Variants in BIN3 observed in about 807,000 individuals in gnomAD.
BIN3 encodes the protein bridging integrator 3.
A neutral mutation model predicts 38.2 loss-of-function variants in BIN3; 41 were observed. The ratio of observed to expected loss-of-function variants is 1.07; its 90% CI spans 0.84 to 1.39. The LOEUF (loss-of-function observed/expected upper bound fraction) is 1.39, where lower values mean the gene tolerates loss of function less well. BIN3 is among the 40% of genes most tolerant of loss of function. BIN3 has a pLI of 0.00. For missense variants in BIN3, 361 were observed against 324.3 expected (o/e 1.11, Z -0.87); for synonymous variants, 145 against 122.6 (o/e 1.18, Z -1.21).
intron 2 of BIN3, among the ~76,000 whole-genome samples, chr8:22,640,315 G>A (rs978137108): frequency 2.0e-5 from 3 of 151,766 alleles, no homozygotes; most frequent in African/African-American, 7.3e-5. Context: ...GTACAGCTGG[G>A]ACTACAGGAG....
intron 2 of BIN3, among the ~76,000 whole-genome samples, chr8:22,639,646 C>T (rs1802478035): frequency 6.6e-6 from 1 of 152,182 alleles, no homozygotes; most frequent in African/African-American, 2.4e-5. Context: ...CCATGGCAGT[C>T]CTCACTAAAT....
chr8:22,627,492 G>A (rs572743755), intron 6 of BIN3, among the ~76,000 whole-genome samples: 134 of 152,288 alleles, frequency 8.8e-4, no homozygotes, highest in African/African-American at 3.0e-3. Flanking sequence ...GGCAGGGGAG[G>A]TGGAGACGTG....
intron 1 of BIN3, among the ~76,000 whole-genome samples, chr8:22,652,177 CTTTT>C (rs1047329522): frequency 6.6e-6 from 1 of 152,016 alleles, no homozygotes; most frequent in African/African-American, 2.4e-5. Context: ...CTCCAAGTTG[CTTTT>C]TTTCTTTTTG....
At chr8:22,630,134 G>T in intron 5 of BIN3, 130 bp from the exon 6 acceptor site, 1 of 1,120,070 alleles carries the variant, frequency 8.9e-7, no homozygotes, top group Non-Finnish European at 1.3e-6. Flanking sequence ...TCCTGGGCCT[G>T]GCTTTGCTCA....
intron 1 of BIN3, among the ~76,000 whole-genome samples, chr8:22,654,074 C>T (rs561062787): frequency 1.3e-5 from 2 of 152,310 alleles, no homozygotes; most frequent in East Asian, 1.9e-4. Flanking sequence ...AACTCCCAAA[C>T]CTTTGAGAAT....
At chr8:22,649,812 AACACACACACACAC>A (rs571224082) in intron 1 of BIN3, among the ~76,000 whole-genome samples, 56 of 89,154 alleles carry the variant, frequency 6.3e-4, no homozygotes, top group Non-Finnish European at 3.6e-4. Flanking sequence ...CGCAAAGGAC[AACACACACACACAC>A]ACACACACAC....
intron 4 of BIN3, among the ~76,000 whole-genome samples, chr8:22,633,416 C>T (rs1802270662): frequency 6.6e-6 from 1 of 152,204 alleles, no homozygotes; most frequent in African/African-American, 2.4e-5. Context: ...CACAGTCAGC[C>T]TGGCCCACAC....
chr8:22,666,426 AAAAG>A (rs1803421676), intron 1 of BIN3, among the ~76,000 whole-genome samples: 2 of 151,526 alleles, frequency 1.3e-5, no homozygotes, highest in African/African-American at 2.4e-5. Flanking sequence ...ATGGGAGAGA[AAAAG>A]AGAGCGAGAG....
At chr8:22,662,637 A>C (rs1047515579) in intron 1 of BIN3, among the ~76,000 whole-genome samples, 13 of 152,200 alleles carry the variant, frequency 8.5e-5, no homozygotes, top group African/African-American at 3.1e-4. Flanking sequence ...TTATCGTCTG[A>C]GTATTTGTAA....
At chr8:22,634,381 C>T in intron 4 of BIN3, 1 of 423,750 alleles carries the variant, frequency 2.4e-6, no homozygotes, top group Non-Finnish European at 4.7e-6. Context: ...ACCAAGACGG[C>T]CACAGTCCCT....
chr8:22,665,783 G>A (rs1803397808), intron 1 of BIN3, among the ~76,000 whole-genome samples: 1 of 152,136 alleles, frequency 6.6e-6, no homozygotes, highest in African/African-American at 2.4e-5. Context: ...GGGACTACAG[G>A]GTGAAAACAG....
At chr8:22,648,468 G>C (rs1250131482) in intron 1 of BIN3, among the ~76,000 whole-genome samples, 1 of 152,092 alleles carries the variant, frequency 6.6e-6, no homozygotes, top group Non-Finnish European at 1.5e-5. Flanking sequence ...GCATTTTACA[G>C]AATGCCAACT....
intron 1 of BIN3, 145 bp downstream of exon 1, chr8:22,668,898 GA>G: frequency 1.0e-6 from 1 of 1,001,088 alleles, no homozygotes; most frequent in Non-Finnish European, 1.5e-6. Flanking sequence ...CCGAGGGAAC[GA>G]CCCTAGGGCA....
At chr8:22,668,837 T>A (rs1410724625) in intron 1 of BIN3, among the ~76,000 whole-genome samples, 3 of 152,210 alleles carry the variant, frequency 2.0e-5, no homozygotes, top group Non-Finnish European at 4.4e-5. Context: ...AAGAGGATCA[T>A]CCGCCACTCT....
At chr8:22,628,182 A>T (rs1010981312) in intron 6 of BIN3, among the ~76,000 whole-genome samples, 9 of 152,232 alleles carry the variant, frequency 5.9e-5, no homozygotes, top group African/African-American at 2.2e-4. Context: ...ACCCACCAGG[A>T]AAGGGAAATT....
intron 1 of BIN3, among the ~76,000 whole-genome samples, chr8:22,655,943 GATTT>G (rs1165675613): frequency 6.6e-6 from 1 of 152,078 alleles, no homozygotes; most frequent in Non-Finnish European, 1.5e-5. Flanking sequence ...CAATAACACA[GATTT>G]ATTTAGATGT....
rs535634457 is a variant in BIN3 at position 22,654,494 on chromosome 8, C to A, written c.9-9691G>T. Among the ~76,000 whole-genome samples, 15 of 152,128 alleles carry A rather than the reference C, an allele frequency of 9.9e-5. No individual in the cohort carries two copies. In the South Asian group the frequency reaches 1.0e-3, roughly 11 times the overall value. ...CCCCACACCTATTAGCAAACAACTC[C>A]CCTCCTCCAGCCCTGGCAACCATTA... is the stretch of plus-strand genomic sequence containing the variant. On this transcript the variant is annotated intron_variant, in intron 1 of 8. Transcript: ENST00000276416.
intron 1 of BIN3, among the ~76,000 whole-genome samples, chr8:22,664,954 A>G (rs937257989): frequency 2.6e-5 from 4 of 152,248 alleles, no homozygotes; most frequent in African/African-American, 7.2e-5. Context: ...TCATTTAACA[A>G]TTACCTGTTA....
chr8:22,653,407 T>C (rs1341471231), intron 1 of BIN3, among the ~76,000 whole-genome samples: 1 of 152,254 alleles, frequency 6.6e-6, no homozygotes, highest in Non-Finnish European at 1.5e-5. Flanking sequence ...TTTCTACATA[T>C]TTAAGCACTC....
Sources: allele counts gnomAD v4.1 joint callset (sites outside exome capture counted in the v4.1 genomes callset), GRCh38; gene constraint gnomAD v4.1.1; transcripts MANE v1.5; gene names NCBI Gene and HGNC (gene_info 2026-07-23, HGNC 2026-07-21).